Variants in KIAA1217 observed in about 807,000 individuals in gnomAD.
KIAA1217 encodes the protein KIAA1217.
A neutral mutation model predicts 163.9 loss-of-function variants in KIAA1217; 88 were observed. That is an observed-to-expected ratio of 0.54 (90% CI 0.45 to 0.64). The LOEUF is 0.64. Ranked by LOEUF, KIAA1217 falls within the 30% of genes least tolerant of loss-of-function variation. The pLI, the probability that KIAA1217 is intolerant of heterozygous loss-of-function variation, is 0.00. For missense variants in KIAA1217, 2,372 were observed against 2,475.0 expected, an observed-to-expected ratio of 0.96 and a Z score of 0.88; for synonymous variants, 903 against 923.1, an observed-to-expected ratio of 0.98 and a Z score of 0.39.
chr10:24,331,616 A>G (rs1442168191), intron 2 of KIAA1217, among the ~76,000 whole-genome samples: 1 of 152,254 alleles, frequency 6.6e-6, no homozygotes, highest in Non-Finnish European at 1.5e-5. Context: ...GAATGCTGCA[A>G]TGAAGCGAAG....
At chr10:24,074,048 TA>T (rs200144504) in intron 2 of KIAA1217, among the ~76,000 whole-genome samples, 55 of 149,962 alleles carry the variant, frequency 3.7e-4, no homozygotes, top group Non-Finnish European at 5.2e-4. Context: ...AGAAGGTGCT[TA>T]AAAAAAAAAT....
intron 1 of KIAA1217, among the ~76,000 whole-genome samples, chr10:23,856,028 G>T (rs777592896): frequency 2.0e-5 from 3 of 152,286 alleles, no homozygotes; most frequent in South Asian, 4.1e-4. Flanking sequence ...GTCATTCTCC[G>T]TCCAGCTTTG....
At chr10:24,158,591 G>A (rs145416223) in intron 2 of KIAA1217, 460 of 506,596 alleles carry the variant, frequency 9.1e-4, no homozygotes, top group African/African-American at 7.7e-3. Context: ...ACTGACAGAC[G>A]TGCTTTATCA....
At chr10:23,928,610 G>A (rs1052693412) in intron 1 of KIAA1217, among the ~76,000 whole-genome samples, 2 of 152,142 alleles carry the variant, frequency 1.3e-5, no homozygotes, top group Admixed American at 1.3e-4. Flanking sequence ...TAAAGTCTTT[G>A]AAGATGGAAA....
chr10:24,378,484 G>A (rs1244346151), intron 2 of KIAA1217, among the ~76,000 whole-genome samples: 1 of 152,124 alleles, frequency 6.6e-6, no homozygotes, highest in African/African-American at 2.4e-5. Context: ...CACCCAGGGT[G>A]ATGTGCCTCT....
In KIAA1217 at chr10:23,854,533, C is replaced by A. The variant is rs558464156; in HGVS notation, c.-320-152692C>A. Among the ~76,000 whole-genome samples, 818 of 152,222 alleles carry A rather than the reference C, an allele frequency of 5.4e-3. 6 individuals are homozygous for A. Among genetic ancestry groups the A allele is most frequent in the African/African-American group, 0.019 (794 of 41,512 alleles). ...GTTCTGTAGATGTCTATTAGATCCG[C>A]TTGGTGCAGAGCTGAGTTCAATTCC... On this transcript the variant is annotated intron_variant, in intron 1 of 18. Transcript: ENST00000376462.
At chr10:23,734,369 C>T (rs1838663770) in intron 1 of KIAA1217, among the ~76,000 whole-genome samples, 1 of 151,374 alleles carries the variant, frequency 6.6e-6, no homozygotes, top group African/African-American at 2.4e-5. Flanking sequence ...TCACTGCAAC[C>T]TCTGCCTCCC....
intron 1 of KIAA1217, among the ~76,000 whole-genome samples, chr10:23,773,637 C>A (rs1224865067): frequency 1.3e-5 from 2 of 152,034 alleles, no homozygotes; most frequent in African/African-American, 4.8e-5. Context: ...CTTTTATTTC[C>A]TTGAGCAGTG....
At chr10:23,940,045 G>T (rs1459882635) in intron 1 of KIAA1217, among the ~76,000 whole-genome samples, 1 of 151,592 alleles carries the variant, frequency 6.6e-6, no homozygotes, top group Non-Finnish European at 1.5e-5. Context: ...AGTATAAGAG[G>T]TTTATTTTTT....
intron 2 of KIAA1217, among the ~76,000 whole-genome samples, chr10:24,107,410 T>C (rs1399668374): frequency 6.6e-6 from 1 of 152,172 alleles, no homozygotes; most frequent in East Asian, 1.9e-4. Context: ...AGTAATGGGG[T>C]TGCTGGGACA....
chr10:24,442,405 T>C (rs2060569923), intron 5 of KIAA1217, among the ~76,000 whole-genome samples: 1 of 152,186 alleles, frequency 6.6e-6, no homozygotes, highest in Non-Finnish European at 1.5e-5. Flanking sequence ...GCACTTGTGA[T>C]TTTTATCTTA....
intron 1 of KIAA1217, among the ~76,000 whole-genome samples, chr10:23,888,261 A>G (rs1396074843): frequency 6.6e-6 from 1 of 151,962 alleles, no homozygotes; most frequent in Non-Finnish European, 1.5e-5. Context: ...GAACTTGAGC[A>G]TAACACCAAT....
At chr10:24,213,777 A>G (rs1019826761) in intron 1 of KIAA1217, among the ~76,000 whole-genome samples, 1 of 152,204 alleles carries the variant, frequency 6.6e-6, no homozygotes, top group Non-Finnish European at 1.5e-5. Context: ...GATCTATACC[A>G]GAAATCCTCT....
chr10:23,732,361 C>A (rs35863604), intron 1 of KIAA1217, among the ~76,000 whole-genome samples: 1 of 151,682 alleles, frequency 6.6e-6, no homozygotes, highest in Non-Finnish European at 1.5e-5. Flanking sequence ...AAACCCAAAA[C>A]AACAAAAACA....
intron 1 of KIAA1217, among the ~76,000 whole-genome samples, chr10:23,806,763 C>T (rs1469402381): frequency 6.6e-6 from 1 of 152,154 alleles, no homozygotes; most frequent in East Asian, 1.9e-4. Context: ...TTGAAGATTG[C>T]AATCAACTCC....
At chr10:23,766,637 GGA>G (rs1834540451) in intron 1 of KIAA1217, among the ~76,000 whole-genome samples, 1 of 140,402 alleles carries the variant, frequency 7.1e-6, no homozygotes, top group South Asian at 2.2e-4. Flanking sequence ...GACTCAGGCT[GGA>G]GTGCAATGGC....
At chr10:24,208,550 G>A (rs1167222628), upstream of KIAA1217, among the ~76,000 whole-genome samples, 1 of 152,078 alleles carries the variant, frequency 6.6e-6, no homozygotes, top group Non-Finnish European at 1.5e-5. Context: ...TAAAAAGTTA[G>A]TGCCGGAAAG....
intron 2 of KIAA1217, among the ~76,000 whole-genome samples, chr10:24,121,080 C>T (rs546204694): frequency 6.6e-6 from 1 of 152,258 alleles, no homozygotes; most frequent in African/African-American, 2.4e-5. Context: ...CACTGGCATC[C>T]TGTATTCTTT....
At chr10:23,962,765 G>A (rs902372850) in intron 1 of KIAA1217, among the ~76,000 whole-genome samples, 2 of 152,158 alleles carry the variant, frequency 1.3e-5, no homozygotes, top group African/African-American at 4.8e-5. Flanking sequence ...ACTACTTGAG[G>A]TCTGTGTCTG....
Sources: gnomAD v4.1 joint callset for allele counts (sites outside exome capture counted in the v4.1 genomes callset) on GRCh38, gnomAD v4.1.1 for gene constraint, MANE v1.5 for transcripts, NCBI Gene and HGNC (gene_info 2026-07-23, HGNC 2026-07-21) for gene names.